The following EPHA5 variants were observed in gnomAD, a reference collection of about 807,000 sequenced individuals.
EPHA5 encodes ephrin type-A receptor 5.
A neutral mutation model predicts 105.0 loss-of-function variants in EPHA5; 60 were observed. The ratio of observed to expected loss-of-function variants is 0.57; its 90% CI spans 0.46 to 0.71. The LOEUF (loss-of-function observed/expected upper bound fraction) is 0.71, where lower values mean the gene tolerates loss of function less well. Among genes scored for constraint, EPHA5 ranks in the 30% least tolerant of loss-of-function variants. The pLI is 0.00. For missense variants in EPHA5, 1,218 were observed against 1,274.7 expected, an observed-to-expected ratio of 0.96 and a Z score of 0.68; for synonymous variants, 513 against 449.1, an observed-to-expected ratio of 1.14 and a Z score of -1.80.
intron 2 of EPHA5, among the ~76,000 whole-genome samples, chr4:65,616,339 A>T (rs1043783630): frequency 6.6e-6 from 1 of 151,744 alleles, no homozygotes; most frequent in Non-Finnish European, 1.5e-5. Context: ...GATGACATGA[A>T]AGATCTTGTG....
Position 65,669,871 on chromosome 4 carries a change from C to T in EPHA5, c.-129G>A, listed in dbSNP as rs2149573233. On this transcript the variant is annotated 5_prime_UTR_variant, in exon 1 of 17. Coordinates refer to ENST00000613740, the MANE Select transcript of EPHA5 (RefSeq NM_001281766.3). ...TTGGGGTCCTACGCCTTCTGGCACGCGGCTCCTCCAAATGTAGGAACCACG... is the reference window on the plus strand; with the variant it reads ...TTGGGGTCCTACGCCTTCTGGCACGTGGCTCCTCCAAATGTAGGAACCACG... 8.2e-7 allele frequency: 1 copy of T among 1,215,308 alleles called. No homozygotes were observed. The highest frequency in any genetic ancestry group is 1.0e-6 in the Non-Finnish European group (1 of 973,594). 75.3% of individuals were successfully genotyped at this position (1,215,308 alleles called of 1,614,324 possible). A position where few individuals can be genotyped will look rare whatever the true frequency, so the allele number is the denominator to read the frequency against.
intron 2 of EPHA5, among the ~76,000 whole-genome samples, chr4:65,630,736 A>G (rs1746553524): frequency 6.6e-6 from 1 of 152,184 alleles, no homozygotes; most frequent in Non-Finnish European, 1.5e-5. Flanking sequence ...AGACCTGTAC[A>G]GATTCGCCGC....
At chr4:65,452,740 A>C (rs1727189086) in intron 5 of EPHA5, among the ~76,000 whole-genome samples, 1 of 152,206 alleles carries the variant, frequency 6.6e-6, no homozygotes, top group Non-Finnish European at 1.5e-5. Context: ...ATTTGAAAGA[A>C]CTAAAGCAGA....
intron 3 of EPHA5, among the ~76,000 whole-genome samples, chr4:65,565,872 A>G (rs1246519840): frequency 6.6e-6 from 1 of 151,684 alleles, no homozygotes; most frequent in Non-Finnish European, 1.5e-5. Flanking sequence ...TTTATTTCCT[A>G]TTCTACTTTG....
intron 5 of EPHA5, among the ~76,000 whole-genome samples, chr4:65,466,386 G>C (rs1403767209): frequency 6.6e-6 from 1 of 152,192 alleles, no homozygotes. Flanking sequence ...ATTGGGAGAC[G>C]AGGTCAGTCA....
chr4:65,447,470 T>C lies in EPHA5; in HGVS notation c.1403-26905A>G, dbSNP rs533970929. 3.8e-4 allele frequency among the ~76,000 whole-genome samples: 57 copies of C among 149,834 alleles called. No homozygotes were observed. The East Asian group carries it at 6.8e-3, about 18-fold the overall frequency. ...TAGTCTGTCATATATTAGAAACACATATATATATATATTAAACTTTATATA... is the reference window on the plus strand; with the variant it reads ...TAGTCTGTCATATATTAGAAACACACATATATATATATTAAACTTTATATA... On this transcript the variant is annotated intron_variant, in intron 5 of 16. Transcript: ENST00000613740.
At chr4:65,365,833 A>G (rs1717853917) in intron 10 of EPHA5, 99 bp downstream of exon 10, 17 of 1,260,590 alleles carry the variant, frequency 1.3e-5, no homozygotes, top group Non-Finnish European at 1.9e-5. Flanking sequence ...AGCCAATTAG[A>G]AAAGATTAAA....
chr4:65,571,521 A>G (rs185993905), intron 3 of EPHA5, among the ~76,000 whole-genome samples: 3 of 152,228 alleles, frequency 2.0e-5, no homozygotes, highest in Non-Finnish European at 4.4e-5. Flanking sequence ...CTATTCTTAA[A>G]TAGGACTGAA....
intron 16 of EPHA5, chr4:65,330,945 G>C (rs1448546765): frequency 9.6e-7 from 1 of 1,042,352 alleles, no homozygotes; most frequent in African/African-American, 1.7e-5. Context: ...ACATTAATTG[G>C]TGATAAATGG....
intron 3 of EPHA5, among the ~76,000 whole-genome samples, chr4:65,497,838 C>A (rs1261746944): frequency 6.6e-6 from 1 of 151,894 alleles, no homozygotes; most frequent in Non-Finnish European, 1.5e-5. Flanking sequence ...CTGTTCAGTT[C>A]AATAAGATGT....
intron 2 of EPHA5, among the ~76,000 whole-genome samples, chr4:65,608,376 C>A (rs1744442931): frequency 6.6e-6 from 1 of 151,802 alleles, no homozygotes; most frequent in Non-Finnish European, 1.5e-5. Context: ...TGGTGGTGGG[C>A]ACCTGTAGTC....
At chr4:65,541,745 G>A (rs1278083467) in intron 3 of EPHA5, among the ~76,000 whole-genome samples, 1 of 150,424 alleles carries the variant, frequency 6.6e-6, no homozygotes, top group African/African-American at 2.4e-5. Context: ...TTTGGATTAA[G>A]TGGATTTATC....
At chr4:65,493,151 A>G (rs1731583546) in intron 4 of EPHA5, among the ~76,000 whole-genome samples, 2 of 152,014 alleles carry the variant, frequency 1.3e-5, no homozygotes, top group Admixed American at 1.3e-4. Flanking sequence ...GGAAACTCAA[A>G]CTCAAGTGAA....
chr4:65,601,649 G>T lies in EPHA5; in HGVS notation c.902C>A (p.Thr301Asn), dbSNP rs758618664. The T allele has an allele frequency of 1.2e-6, 2 of 1,612,556 alleles. No individual in the cohort carries two copies. Among genetic ancestry groups the T allele is most frequent in the Non-Finnish European group, 1.7e-6 (2 of 1,178,854 alleles). ...TGGAGGCAAACTCTTACCTTGACAGGTGCCATTTTTCTCTTCATATCCTGC... is the reference window on the plus strand; with the variant it reads ...TGGAGGCAAACTCTTACCTTGACAGTTGCCATTTTTCTCTTCATATCCTGC... The part of the protein sequence containing the change: ...CKAGYEEKNG[T>N]CQVCRPGFFK... Residue 301 changes from threonine (T) to asparagine (N), a missense_variant, in exon 3 of 17, where the codon ACC becomes AAC. Physicochemically the swap from Thr to Asn is moderately conservative, Grantham distance 65. This residue lies in a region of EPHA5 where 971 missense variants were observed against 1,013.5 expected (regional missense o/e 0.96). Transcript: ENST00000613740.
At chr4:65,455,652 G>A (rs774624515) in intron 5 of EPHA5, among the ~76,000 whole-genome samples, 10 of 151,928 alleles carry the variant, frequency 6.6e-5, no homozygotes, top group Admixed American at 6.6e-4. Context: ...TAACTTATTA[G>A]AAAATAATTT....
At chr4:65,338,176 C>A (rs548901816) in intron 14 of EPHA5, among the ~76,000 whole-genome samples, 1 of 151,994 alleles carries the variant, frequency 6.6e-6, no homozygotes, top group African/African-American at 2.4e-5. Flanking sequence ...CACTAATGAT[C>A]AAATAAAGAA....
intron 3 of EPHA5, among the ~76,000 whole-genome samples, chr4:65,550,730 A>T: frequency 6.6e-6 from 1 of 151,854 alleles, no homozygotes; most frequent in African/African-American, 2.4e-5. Context: ...CAGCTAATCG[A>T]GGGGCTGAGG....
At chr4:65,456,375 G>A (rs1404253705) in intron 5 of EPHA5, among the ~76,000 whole-genome samples, 1 of 151,028 alleles carries the variant, frequency 6.6e-6, no homozygotes, top group Non-Finnish European at 1.5e-5. Context: ...AGTATAATCT[G>A]CCATATTCTA....
chr4:65,506,437 A>G (rs1479314821), intron 3 of EPHA5, among the ~76,000 whole-genome samples: 1 of 145,296 alleles, frequency 6.9e-6, no homozygotes, highest in Admixed American at 6.9e-5. Context: ...TGTCTTCCAC[A>G]ATGGTTGAAG....
Sources: gnomAD v4.1 joint callset for allele counts (sites outside exome capture counted in the v4.1 genomes callset) on GRCh38, gnomAD v4.1.1 for gene constraint, gnomAD v4.1.1 regional missense constraint, MANE v1.5 for transcripts, NCBI Gene and HGNC (gene_info 2026-07-23, HGNC 2026-07-21) for gene names.